Variants in CMTM8 observed in about 807,000 individuals in gnomAD.
CMTM8 encodes CKLF-like MARVEL transmembrane domain-containing protein 8.
Under a neutral mutation model 18.6 loss-of-function variants are expected in CMTM8, and 12 were observed. That is an observed-to-expected ratio of 0.65 (90% CI 0.41 to 1.05). The LOEUF is 1.05. CMTM8 is among the 50% of genes least tolerant of loss of function. The pLI is 0.00. For missense variants in CMTM8, 217 were observed against 227.2 expected, an observed-to-expected ratio of 0.95 and a Z score of 0.29; for synonymous variants, 87 against 90.6, an observed-to-expected ratio of 0.96 and a Z score of 0.23.
At chr3:32,334,359 C>A (rs535984215) in intron 1 of CMTM8, among the ~76,000 whole-genome samples, 21 of 151,962 alleles carry the variant, frequency 1.4e-4, no homozygotes, top group Admixed American at 1.1e-3. Context: ...GTAATCCCAG[C>A]ACTTTGGGAG....
intron 1 of CMTM8, among the ~76,000 whole-genome samples, chr3:32,264,673 CA>C (rs1269072219): frequency 2.0e-5 from 3 of 152,294 alleles, no homozygotes; most frequent in Non-Finnish European, 1.5e-5. Context: ...GATCAAGAGT[CA>C]AGACCCATCA....
rs190069347 is a variant in CMTM8, at chr3:32,268,812, T to C, written c.147+29693T>C. Among the ~76,000 whole-genome samples, 878 of 152,322 alleles carry C rather than the reference T, an allele frequency of 5.8e-3. 3 individuals are homozygous for C. Among genetic ancestry groups the C allele is most frequent in the Non-Finnish European group, 7.6e-3 (520 of 68,034 alleles). On this transcript the variant is annotated intron_variant, in intron 1 of 3. Transcript: ENST00000307526. The stretch of plus-strand genomic sequence containing the variant: ...CAGTTTTCCAGAAGTCTGAGTTTAA[T>C]GACCTGTGTTGGAAAACATGCAAAG...
intron 1 of CMTM8, among the ~76,000 whole-genome samples, chr3:32,320,624 A>G (rs1696026119): frequency 6.6e-6 from 1 of 152,272 alleles, no homozygotes; most frequent in South Asian, 2.1e-4. Flanking sequence ...TATATGAATT[A>G]TCTCTCAATA....
intron 1 of CMTM8, among the ~76,000 whole-genome samples, chr3:32,273,707 G>C (rs1702475582): frequency 6.6e-6 from 1 of 152,182 alleles, no homozygotes; most frequent in South Asian, 2.1e-4. Flanking sequence ...GAGAGCTATT[G>C]CTGATAGATA....
At chr3:32,321,471 G>C (rs1201313258) in intron 1 of CMTM8, among the ~76,000 whole-genome samples, 1 of 152,124 alleles carries the variant, frequency 6.6e-6, no homozygotes, top group African/African-American at 2.4e-5. Context: ...GCCCTCCCGA[G>C]TGGGAGCCCC....
At chr3:32,331,135 C>G (rs1696266220) in intron 1 of CMTM8, among the ~76,000 whole-genome samples, 1 of 152,030 alleles carries the variant, frequency 6.6e-6, no homozygotes, top group Non-Finnish European at 1.5e-5. Flanking sequence ...CAATAAAAAT[C>G]AAATGTAAAA....
intron 1 of CMTM8, among the ~76,000 whole-genome samples, chr3:32,331,140 G>A (rs1339293091): frequency 2.0e-5 from 3 of 152,088 alleles, no homozygotes; most frequent in Non-Finnish European, 4.4e-5. Flanking sequence ...AAAATCAAAT[G>A]TAAAAACGGG....
At chr3:32,245,798 TTTA>T (rs1004888715) in intron 1 of CMTM8, among the ~76,000 whole-genome samples, 9 of 152,148 alleles carry the variant, frequency 5.9e-5, no homozygotes, top group Non-Finnish European at 1.0e-4. Flanking sequence ...AAAACTTTTA[TTTA>T]TTATTATTAT....
intron 1 of CMTM8, among the ~76,000 whole-genome samples, chr3:32,281,063 C>T (rs1252921265): frequency 6.6e-6 from 1 of 152,062 alleles, no homozygotes; most frequent in Non-Finnish European, 1.5e-5. Context: ...TATCCTGGAA[C>T]TCCCCAAGCC....
intron 1 of CMTM8, among the ~76,000 whole-genome samples, chr3:32,330,000 G>A (rs1046105403): frequency 1.6e-4 from 24 of 151,926 alleles, no homozygotes; most frequent in Non-Finnish European, 2.9e-4. Flanking sequence ...ATTTACAATA[G>A]AATCAAAAAG....
intron 1 of CMTM8, among the ~76,000 whole-genome samples, chr3:32,354,229 T>C (rs1696769145): frequency 6.6e-6 from 1 of 152,140 alleles, no homozygotes; most frequent in African/African-American, 2.4e-5. Context: ...AAATACAGAT[T>C]CAGGTTTATC....
intron 1 of CMTM8, among the ~76,000 whole-genome samples, chr3:32,249,030 C>CTTTTTTTTTT (rs58156524): frequency 6.4e-5 from 4 of 62,462 alleles, no homozygotes; most frequent in African/African-American, 2.1e-4. Context: ...AATGTGGAAT[C>CTTTTTTTTTT]TTTTTTTTTT....
chr3:32,360,017 G>C (rs995365054), intron 2 of CMTM8, among the ~76,000 whole-genome samples: 2 of 152,080 alleles, frequency 1.3e-5, no homozygotes, highest in South Asian at 4.2e-4. Context: ...CCAGACACCA[G>C]GAAACCAGGA....
At chr3:32,367,638 G>A (rs1348127358) in intron 2 of CMTM8, among the ~76,000 whole-genome samples, 5 of 152,114 alleles carry the variant, frequency 3.3e-5, no homozygotes, top group African/African-American at 9.7e-5. Flanking sequence ...CTGAAGGGGC[G>A]GCATGCAGTC....
chr3:32,313,835 A>G (rs556590564), intron 1 of CMTM8, among the ~76,000 whole-genome samples: 1 of 152,274 alleles, frequency 6.6e-6, no homozygotes, highest in East Asian at 1.9e-4. Flanking sequence ...TGTTCTTGTC[A>G]CACGACCAGG....
In CMTM8 at chr3:32,260,378, A is replaced by C. The variant is rs1702239963; in HGVS notation, c.147+21259A>C. The C allele has an allele frequency of 4.5e-5, 24 of 534,778 alleles. 1 individual carries two copies. The South Asian group carries it at 6.6e-4, about 15-fold the overall frequency. 33.1% of individuals were successfully genotyped at this position (534,778 alleles called of 1,614,324 possible). A position where few individuals can be genotyped will look rare whatever the true frequency, so the allele number is the denominator to read the frequency against. ...TGCCTATATTTTTCATGTGCTTTAA[A>C]ATATTTAACTTTAATATTGAAATGC... is the stretch of plus-strand genomic sequence containing the variant. On this transcript the variant is annotated intron_variant, in intron 1 of 3. Coordinates refer to ENST00000307526, the MANE Select transcript of CMTM8 (RefSeq NM_178868.5).
At chr3:32,322,114 T>C (rs1405531626) in intron 1 of CMTM8, among the ~76,000 whole-genome samples, 1 of 152,206 alleles carries the variant, frequency 6.6e-6, no homozygotes, top group Non-Finnish European at 1.5e-5. Context: ...GAGGACTTTA[T>C]TGGTGGTACT....
chr3:32,312,755 T>A (rs994627515), intron 1 of CMTM8, among the ~76,000 whole-genome samples: 2 of 151,606 alleles, frequency 1.3e-5, no homozygotes, highest in Non-Finnish European at 2.9e-5. Context: ...TCTAATCACA[T>A]GATTTGTGCC....
chr3:32,311,556 C>T (rs1292152895), intron 1 of CMTM8, among the ~76,000 whole-genome samples: 2 of 152,188 alleles, frequency 1.3e-5, no homozygotes, highest in African/African-American at 4.8e-5. Context: ...AGGCTCATCT[C>T]GTAATCCAGG....
Sources: gnomAD v4.1 joint callset for allele counts (sites outside exome capture counted in the v4.1 genomes callset) on GRCh38, gnomAD v4.1.1 for gene constraint, MANE v1.5 for transcripts, NCBI Gene and HGNC (gene_info 2026-07-23, HGNC 2026-07-21) for gene names.